SPTBN1: variants seen among roughly 807,000 people sequenced by gnomAD.
The protein encoded by SPTBN1 is spectrin beta chain, non-erythrocytic 1.
SPTBN1 carries 32 observed loss-of-function variants against 266.4 expected under a neutral mutation model. That is an observed-to-expected ratio of 0.12 (90% confidence interval 0.09 to 0.16). The LOEUF (loss-of-function observed/expected upper bound fraction) is 0.16, where lower values mean the gene tolerates loss of function less well. SPTBN1 is among the 10% of genes least tolerant of loss of function. SPTBN1 has a pLI of 1.00. For missense variants in SPTBN1, 2,296 were observed against 3,067.1 expected (o/e 0.75, Z 5.94); for synonymous variants, 1,336 against 1,162.2 (o/e 1.15, Z -3.04).
intron 1 of SPTBN1, among the ~76,000 whole-genome samples, chr2:54,475,707 A>G (rs923111936): frequency 2.6e-5 from 4 of 152,166 alleles, no homozygotes; most frequent in Non-Finnish European, 4.4e-5. Flanking sequence ...ATCATTTAGT[A>G]TTTTCCACTA....
At chr2:54,593,745 A>C (rs1336890052) in intron 2 of SPTBN1, among the ~76,000 whole-genome samples, 1 of 149,546 alleles carries the variant, frequency 6.7e-6, no homozygotes, top group Non-Finnish European at 1.5e-5. Flanking sequence ...AATGCAGCAG[A>C]CCCTTTACAA....
intron 2 of SPTBN1, among the ~76,000 whole-genome samples, chr2:54,582,856 A>G (rs1016501030): frequency 2.0e-5 from 3 of 152,178 alleles, no homozygotes; most frequent in Non-Finnish European, 2.9e-5. Context: ...GACTGTGGGC[A>G]AATAACTGAA....
intron 34 of SPTBN1, among the ~76,000 whole-genome samples, chr2:54,666,429 C>G (rs758073850): frequency 2.8e-4 from 43 of 152,232 alleles, no homozygotes; most frequent in Admixed American, 5.9e-4. Context: ...GTTTCCCCAT[C>G]TTTTCAGCTT....
chr2:54,513,915 GATCT>G (rs1669982136), intron 1 of SPTBN1, among the ~76,000 whole-genome samples: 1 of 152,256 alleles, frequency 6.6e-6, no homozygotes, highest in South Asian at 2.1e-4. Flanking sequence ...TTTCTCTCTA[GATCT>G]ATCTACTTTC....
chr2:54,657,808 A>C (rs1572770430), intron 29 of SPTBN1, 42 bp from the exon 30 acceptor site: 1 of 1,612,832 alleles, frequency 6.2e-7, no homozygotes, highest in Non-Finnish European at 8.5e-7. Flanking sequence ...ACTGCCCGGC[A>C]CCTCCTGGTC....
chr2:54,570,586 G>A (rs1573438424), intron 2 of SPTBN1, among the ~76,000 whole-genome samples: 2 of 152,052 alleles, frequency 1.3e-5, no homozygotes, highest in East Asian at 3.9e-4. Context: ...TTTGGAGTGA[G>A]AGCTATTGTT....
intron 1 of SPTBN1, chr2:54,520,377 C>T (rs1670367143): frequency 6.6e-6 from 1 of 152,154 alleles, no homozygotes; most frequent in Non-Finnish European, 1.5e-5. Flanking sequence ...TGGTTATGAC[C>T]TGTGGTAGCT....
intron 3 of SPTBN1, among the ~76,000 whole-genome samples, chr2:54,605,962 A>C (rs1676814185): frequency 6.6e-6 from 1 of 152,096 alleles, no homozygotes. Context: ...ACCTGCGTGA[A>C]TGTGTTTGGG....
At chr2:54,486,692 G>T (rs1229713301) in intron 1 of SPTBN1, among the ~76,000 whole-genome samples, 1 of 149,194 alleles carries the variant, frequency 6.7e-6, no homozygotes, top group Non-Finnish European at 1.5e-5. Context: ...ATCCCCCTCT[G>T]CGAGAAACAC....
chr2:54,456,763 G>A (rs1165936553), intron 1 of SPTBN1, among the ~76,000 whole-genome samples: 1 of 150,934 alleles, frequency 6.6e-6, no homozygotes, highest in Non-Finnish European at 1.5e-5. Context: ...ACGAGGGGCG[G>A]CAGGCTCTGC....
intron 1 of SPTBN1, among the ~76,000 whole-genome samples, chr2:54,465,697 TTTGA>T (rs1451660856): frequency 1.4e-5 from 2 of 142,910 alleles, no homozygotes; most frequent in East Asian, 2.1e-4. Flanking sequence ...GAGGTGTGTG[TTTGA>T]TTGAGTAATC....
rs974508337 is a variant in SPTBN1 at position 54,533,631 on chromosome 2, A to G, written c.148+7065A>G. Among the ~76,000 whole-genome samples, 1 of 151,872 alleles carries G rather than the reference A, an allele frequency of 6.6e-6. No homozygotes were observed. The highest frequency in any genetic ancestry group is 6.6e-5 in the Admixed American group (1 of 15,258). ...GATGGCGCGATCTTGGCTCACTGCA[A>G]CCTCCGCCTCCTGGGTCCAAGTGAT... On this transcript the variant is annotated intron_variant, in intron 2 of 35. Transcript: ENST00000356805. This position sits in a 1 kb window ranked among gnomAD's most constrained non-coding sequence, Gnocchi z 4.2.
chr2:54,566,703 C>T (rs1345334368), intron 2 of SPTBN1, among the ~76,000 whole-genome samples: 1 of 151,852 alleles, frequency 6.6e-6, no homozygotes, highest in Non-Finnish European at 1.5e-5. Flanking sequence ...TGGTGGTACA[C>T]GCCTGTAGTC....
chr2:54,661,705 A>G (rs1681059228), intron 32 of SPTBN1: 1 of 985,704 alleles, frequency 1.0e-6, no homozygotes, highest in Middle Eastern at 5.2e-4. Context: ...TTTGTGTTTC[A>G]TTGATCTATA....
At chr2:54,539,336 A>G (rs1288760897) in intron 2 of SPTBN1, among the ~76,000 whole-genome samples, 1 of 152,170 alleles carries the variant, frequency 6.6e-6, no homozygotes, top group Non-Finnish European at 1.5e-5. Flanking sequence ...CCTATTAAAG[A>G]TTTCTTTGTG....
intron 2 of SPTBN1, among the ~76,000 whole-genome samples, chr2:54,556,186 A>C (rs1371585010): frequency 6.6e-6 from 1 of 152,244 alleles, no homozygotes; most frequent in Middle Eastern, 3.2e-3. Context: ...CAGATGGGCC[A>C]TCAGGGATCT....
intron 19 of SPTBN1, among the ~76,000 whole-genome samples, chr2:54,643,982 CAATAATA>C (rs1317283596): frequency 6.7e-6 from 1 of 149,794 alleles, no homozygotes; most frequent in Admixed American, 6.7e-5. Context: ...AATATAATAA[CAATAATA>C]ATAATAATAA....
rs775402962 is a variant in SPTBN1 at position 54,644,463 on chromosome 2, C to T, written c.4146C>T (p.Ala1382=). The part of the protein sequence containing the change: ...KAQRLFDANK[A]ELFTQSCADL... The stretch of plus-strand genomic sequence containing the variant: ...AGCGGCTCTTTGATGCAAACAAGGC[C>T]GAACTTTTCACCCAGAGCTGTGCAG... The change falls in exon 20 of 36, where the codon GCC becomes GCT. Residue 1382 remains alanine, a synonymous_variant. Coordinates refer to ENST00000356805, the MANE Select transcript of SPTBN1 (RefSeq NM_003128.3). 6.8e-6 allele frequency: 11 copies of T among 1,614,170 alleles called. No homozygotes were observed. The highest frequency in any genetic ancestry group is 4.4e-5 in the South Asian group (4 of 91,084).
chr2:54,576,074 A>ATTTTTTTTTTT (rs1209132160), intron 2 of SPTBN1, among the ~76,000 whole-genome samples: 2,613 of 93,638 alleles, frequency 0.028, 571 homozygotes, highest in African/African-American at 0.063. Context: ...TTTTTTTTTG[A>ATTTTTTTTTTT]GAGACAGTCT....
Sources: allele counts gnomAD v4.1 joint callset (sites outside exome capture counted in the v4.1 genomes callset), GRCh38; gene constraint gnomAD v4.1.1; non-coding constraint Gnocchi (gnomAD v3.1); transcripts MANE v1.5; gene names NCBI Gene and HGNC (gene_info 2026-07-23, HGNC 2026-07-21).